Variants in TLE6 observed in about 807,000 individuals in gnomAD.
TLE6 encodes transducin-like enhancer protein 6.
A neutral mutation model predicts 77.1 loss-of-function variants in TLE6; 72 were observed. The observed-to-expected ratio is 0.93, with a 90% CI of 0.77 to 1.14. The LOEUF (loss-of-function observed/expected upper bound fraction) is 1.14. Among genes scored for constraint, TLE6 ranks in the 50% most tolerant of loss-of-function variants. The probability of loss-of-function intolerance (pLI) is 0.00; values close to 1 mark genes in which losing one functional copy is unlikely to be tolerated. For synonymous variants in TLE6, 366 were observed against 287.3 expected (o/e 1.27, Z -2.77); for missense variants, 843 against 747.6 (o/e 1.13, Z -1.49).
Position 2,995,004 on chromosome 19 carries a change from A to AG in TLE6, c.*4dup. The AG allele has an allele frequency of 6.3e-7, 1 of 1,594,746 alleles. No individual in the cohort carries two copies. The highest frequency in any genetic ancestry group is 8.5e-7 in the Non-Finnish European group (1 of 1,170,610). On this transcript the variant is annotated 3_prime_UTR_variant, in exon 17 of 17. Transcript: ENST00000246112. The stretch of plus-strand genomic sequence containing the variant: ...CCTCCGTGTACCAGATCACCTACTG[A>AG]GGGGCCTCGCTGCTGTCATCCCACT...
rs78485163 is a variant in TLE6 at position 2,993,358 on chromosome 19, C to T, written c.1387-74C>T. The T allele has an allele frequency of 1.8e-4, 273 of 1,500,628 alleles. No homozygotes were observed. The East Asian group carries it at 6.2e-3, about 34-fold the overall frequency. 93.0% of individuals were successfully genotyped at this position (1,500,628 alleles called of 1,614,324 possible). A position where few individuals can be genotyped will look rare whatever the true frequency, so the allele number is the denominator to read the frequency against. ...GTCACCCGGCCTCCAGGATAGGTCC[C>T]CAGGCTCCTGCCTGCTTCCTGGGCC... On this transcript the variant is annotated intron_variant, in intron 14 of 16. Coordinates refer to ENST00000246112, the MANE Select transcript of TLE6 (RefSeq NM_001143986.2).
At chr19:2,993,319 C>CT (rs2089126970) in intron 14 of TLE6, 113 bp from the exon 15 acceptor site, 9 of 1,155,760 alleles carry the variant, frequency 7.8e-6, no homozygotes, top group Non-Finnish European at 1.1e-5. Context: ...GGCTGCACAG[C>CT]TAGGAAGGGG....
rs2089184218 is a variant in TLE6, at chr19:2,995,066, CA to C, written c.*64del. On this transcript the variant is annotated 3_prime_UTR_variant, in exon 17 of 17. Coordinates refer to ENST00000246112, the MANE Select transcript of TLE6 (RefSeq NM_001143986.2). Reference sequence around the variant, plus strand: ...TTTCATCCCCCCCCTTCCCCCCCCCCAACAAGGGGGACATGGTGGAGGGAAG... The same window carrying C: ...TTTCATCCCCCCCCTTCCCCCCCCCCACAAGGGGGACATGGTGGAGGGAAG... 4.9e-6 allele frequency: 5 copies of C among 1,010,354 alleles called. No individual in the cohort carries two copies. Among genetic ancestry groups the C allele is most frequent in the Non-Finnish European group, 5.9e-6 (4 of 672,924 alleles). The allele number at this position is 1,010,354 out of a possible 1,614,324, so 62.6% of individuals were successfully genotyped here. A position where few individuals can be genotyped will look rare whatever the true frequency, so the allele number is the denominator to read the frequency against.
chr19:2,978,484 T>C (rs1225215834), intron 2 of TLE6, among the ~76,000 whole-genome samples, 200 bp downstream of exon 2: 1 of 152,138 alleles, frequency 6.6e-6, no homozygotes, highest in Admixed American at 6.6e-5. Flanking sequence ...ACACTGTGGC[T>C]CACAACTGTA....
intron 11 of TLE6, chr19:2,988,851 G>A: frequency 1.5e-6 from 1 of 684,274 alleles, no homozygotes; most frequent in Non-Finnish European, 2.4e-6. Context: ...AGTCTAGGAA[G>A]AAGGCAGAAG....
intron 12 of TLE6, 46 bp downstream of exon 12, chr19:2,989,359 G>A (rs757255958): frequency 6.2e-7 from 1 of 1,603,356 alleles, no homozygotes; most frequent in African/African-American, 1.3e-5. Flanking sequence ...TCTGGGAACA[G>A]GGGGTTTGAG....
At chr19:2,988,821 T>G (rs2088974794) in intron 11 of TLE6, 1 of 601,674 alleles carries the variant, frequency 1.7e-6, no homozygotes, top group African/African-American at 1.8e-5. Flanking sequence ...GAATAGGAGT[T>G]CTTCCTCCTG....
chr19:2,990,763 G>T lies in TLE6; in HGVS notation c.1244+978G>T, dbSNP rs1599167864. Among the ~76,000 whole-genome samples the T allele has an allele frequency of 2.7e-5, 4 of 149,418 alleles. No homozygotes were observed. The South Asian group carries it at 8.5e-4, about 32-fold the overall frequency. On this transcript the variant is annotated intron_variant, in intron 13 of 16. Coordinates refer to ENST00000246112, the MANE Select transcript of TLE6 (RefSeq NM_001143986.2). ...CACCTGTAATCCCAGCACTTTGGGA[G>T]GCCGAGGTGGGTGGATCACTTGAGG... is the stretch of plus-strand genomic sequence containing the variant.
intron 11 of TLE6, 115 bp from the exon 12 acceptor site, chr19:2,988,946 T>G: frequency 6.7e-7 from 1 of 1,484,254 alleles, no homozygotes; most frequent in Non-Finnish European, 9.1e-7. Flanking sequence ...AAACAAGGCC[T>G]GAGAGAGGGA....
At chr19:2,983,213 C>G (rs1010566738) in intron 5 of TLE6, among the ~76,000 whole-genome samples, 1 of 152,146 alleles carries the variant, frequency 6.6e-6, no homozygotes, top group Non-Finnish European at 1.5e-5. Flanking sequence ...ATTCATTCAG[C>G]AGATATTTAT....
chr19:2,982,410 C>T (rs1260781128), intron 5 of TLE6, among the ~76,000 whole-genome samples: 4 of 151,232 alleles, frequency 2.6e-5, no homozygotes, highest in African/African-American at 7.3e-5. Flanking sequence ...TGGTGGCGGG[C>T]GCCTGTAGTC....
chr19:2,994,018 G>C lies in TLE6; in HGVS notation c.1538-1G>C. 1 of 1,603,630 alleles carries C rather than the reference G, an allele frequency of 6.2e-7. No individual in the cohort carries two copies. The highest frequency in any genetic ancestry group is 8.5e-7 in the Non-Finnish European group (1 of 1,176,016). On this transcript the variant is annotated splice_acceptor_variant, in intron 15 of 16. Transcript: ENST00000246112. LOFTEE classifies it high-confidence loss of function. The stretch of plus-strand genomic sequence containing the variant: ...TCTCGCTGATGCTCCATTTCTCCCA[G>C]GCCAGTGGTGGGCAAGCGTTGGAAT...
chr19:2,986,428 T>C (rs1160432487), intron 5 of TLE6, among the ~76,000 whole-genome samples: 1 of 143,758 alleles, frequency 7.0e-6, no homozygotes, highest in African/African-American at 2.6e-5. Flanking sequence ...AAAAAGTAGA[T>C]GAAGGCTGGG....
chr19:2,988,187 G>C, intron 11 of TLE6, 59 bp downstream of exon 11: 1 of 1,507,234 alleles, frequency 6.6e-7, no homozygotes, highest in Non-Finnish European at 9.0e-7. Flanking sequence ...ATTCCTTCCT[G>C]TCTATACCTC....
At chr19:2,984,951 G>A (rs1316650830) in intron 5 of TLE6, among the ~76,000 whole-genome samples, 2 of 151,782 alleles carry the variant, frequency 1.3e-5, no homozygotes, top group Non-Finnish European at 1.5e-5. Flanking sequence ...TTGTTTGTTC[G>A]TTTTAAATAA....
Position 2,981,570 on chromosome 19 carries a change from G to C in TLE6, c.167G>C (p.Ser56Thr). 6.4e-7 allele frequency: 1 copy of C among 1,551,568 alleles called. No individual in the cohort carries two copies. The highest frequency in any genetic ancestry group is 8.7e-7 in the Non-Finnish European group (1 of 1,146,960). ...CCTCATTTTGCTGCGGAGTTGGAGA[G>C]CATTTACTACTCGGTGAGCCAGACC... ...FSPHFAAELE[S>T]IYYSLHKIQQ... The change falls in exon 4 of 17, where the codon AGC becomes ACC. Residue 56 changes from serine (S) to threonine (T), a missense_variant. Transcript: ENST00000246112.
Position 2,987,990 on chromosome 19 carries a change from G to A in TLE6, c.702+16G>A, listed in dbSNP as rs761169221. 27 of 1,606,690 alleles carry A rather than the reference G, an allele frequency of 1.7e-5. No individual in the cohort carries two copies. The highest frequency in any genetic ancestry group is 1.7e-4 in the Middle Eastern group (1 of 6,046). ...TGTGGTCCAGGTGAGACCCAGGCCC[G>A]AGCTGGTAGCCCAGCGTGAAGGCTG... On this transcript the variant is annotated intron_variant, in intron 10 of 16. Coordinates refer to ENST00000246112, the MANE Select transcript of TLE6 (RefSeq NM_001143986.2).
At chr19:2,989,915 G>T in intron 13 of TLE6, 130 bp downstream of exon 13, 2 of 1,301,040 alleles carry the variant, frequency 1.5e-6, no homozygotes, top group South Asian at 2.8e-5. Flanking sequence ...CACTCTCCCA[G>T]CCAAAACCCC....
At chr19:2,993,962 C>T in intron 15 of TLE6, 57 bp from the exon 16 acceptor site, 9 of 918,620 alleles carry the variant, frequency 9.8e-6, no homozygotes, top group African/African-American at 7.0e-5. Context: ...GGAGGATGAA[C>T]TCTGGGAAGG....
Sources: gnomAD v4.1 joint callset for allele counts (sites outside exome capture counted in the v4.1 genomes callset) on GRCh38, gnomAD v4.1.1 for gene constraint, MANE v1.5 for transcripts, NCBI Gene and HGNC (gene_info 2026-07-23, HGNC 2026-07-21) for gene names.